TRAM1: variants seen among roughly 807,000 people sequenced by gnomAD.
The protein encoded by TRAM1 is translocation associated membrane protein 1.
Under a neutral mutation model 48.7 loss-of-function variants are expected in TRAM1, and 17 were observed. The ratio of observed to expected loss-of-function variants is 0.35; its 90% confidence interval spans 0.24 to 0.52. The LOEUF (loss-of-function observed/expected upper bound fraction) is 0.52. TRAM1 is among the 20% of genes least tolerant of loss of function. The probability of loss-of-function intolerance (pLI) is 0.94; values close to 1 mark genes in which losing one functional copy is unlikely to be tolerated. For missense variants in TRAM1, 351 were observed against 441.5 expected (o/e 0.79, Z 1.84); for synonymous variants, 182 against 154.0 (o/e 1.18, Z -1.34).
At chr8:70,576,926 CTAGTTTTGGAGTG>C (rs1816967118) in intron 10 of TRAM1, among the ~76,000 whole-genome samples, 1 of 152,200 alleles carries the variant, frequency 6.6e-6, no homozygotes, top group South Asian at 2.1e-4. Flanking sequence ...CTGGCGTCTG[CTAGTTTTGGAGTG>C]AAGGTGAGAC....
chr8:70,591,081 A>G (rs1586758715), intron 6 of TRAM1, among the ~76,000 whole-genome samples: 1 of 152,222 alleles, frequency 6.6e-6, no homozygotes, highest in Admixed American at 6.5e-5. Context: ...AACACCCTAC[A>G]TAAAGGTATT....
chr8:70,577,322 C>T (rs910545624), intron 10 of TRAM1, among the ~76,000 whole-genome samples: 2 of 152,200 alleles, frequency 1.3e-5, no homozygotes, highest in African/African-American at 2.4e-5. Context: ...TGGTGAAGCC[C>T]CCCTCTTCAA....
chr8:70,597,318 T>G (rs1212353447), intron 4 of TRAM1, among the ~76,000 whole-genome samples: 3 of 152,164 alleles, frequency 2.0e-5, no homozygotes, highest in African/African-American at 7.2e-5. Context: ...ACTGTGAACA[T>G]TACAACTCAT....
chr8:70,605,255 A>T (rs56344208), intron 1 of TRAM1, among the ~76,000 whole-genome samples: 10,223 of 152,256 alleles, frequency 0.067, 402 homozygotes, highest in Non-Finnish European at 0.078. Context: ...GCATAATACA[A>T]ATTGGTTAAT....
At chr8:70,600,391 C>T (rs1817582429) in intron 1 of TRAM1, among the ~76,000 whole-genome samples, 1 of 152,104 alleles carries the variant, frequency 6.6e-6, no homozygotes, top group Non-Finnish European at 1.5e-5. Context: ...TAGCCCTATA[C>T]AATGAATAAA....
At chr8:70,603,973 C>T (rs989295078) in intron 1 of TRAM1, among the ~76,000 whole-genome samples, 1 of 152,186 alleles carries the variant, frequency 6.6e-6, no homozygotes, top group Non-Finnish European at 1.5e-5. Context: ...GCCTCACACC[C>T]TGCTAGCATT....
At chr8:70,601,722 C>T (rs1045594015) in intron 1 of TRAM1, among the ~76,000 whole-genome samples, 1 of 152,224 alleles carries the variant, frequency 6.6e-6, no homozygotes, top group African/African-American at 2.4e-5. Context: ...TGAACTAAGA[C>T]AGTGACTGTG....
At chr8:70,583,936 C>T (rs1427780364) in intron 8 of TRAM1, 143 bp from the exon 9 acceptor site, 5 of 928,042 alleles carry the variant, frequency 5.4e-6, no homozygotes, top group South Asian at 2.2e-5. Context: ...TTGCTTGAAA[C>T]CAGAAGGTGG....
intron 8 of TRAM1, among the ~76,000 whole-genome samples, chr8:70,585,967 T>G (rs1461121110): frequency 6.6e-6 from 1 of 150,528 alleles, no homozygotes; most frequent in Non-Finnish European, 1.5e-5. Context: ...TAAAGACACA[T>G]GCACACGTAT....
chr8:70,598,368 A>G (rs1817535843), intron 2 of TRAM1, 113 bp from the exon 3 acceptor site: 18 of 1,011,850 alleles, frequency 1.8e-5, no homozygotes, highest in Non-Finnish European at 2.1e-5. Flanking sequence ...AAAAAGTTCT[A>G]TATTAACATC....
At chr8:70,594,424 T>A in intron 6 of TRAM1, 82 bp downstream of exon 6, 1 of 1,109,616 alleles carries the variant, frequency 9.0e-7, no homozygotes, top group Non-Finnish European at 1.3e-6. Flanking sequence ...GGCAAACATG[T>A]AAGAAAATAC....
At chr8:70,583,892 A>G (rs1016474826) in intron 8 of TRAM1, 99 bp from the exon 9 acceptor site, 5 of 1,355,404 alleles carry the variant, frequency 3.7e-6, no homozygotes, top group Non-Finnish European at 4.9e-6. Flanking sequence ...AGACGCCTGT[A>G]ATCCCAGCTA....
chr8:70,585,909 C>A (rs268619), intron 8 of TRAM1, among the ~76,000 whole-genome samples: 129,485 of 145,330 alleles, frequency 0.89, 58,213 homozygotes, highest in Middle Eastern at 0.97. Flanking sequence ...TTGACCCAGC[C>A]ATCCCATTAC....
intron 2 of TRAM1, 63 bp from the exon 3 acceptor site, chr8:70,598,318 G>C: frequency 6.9e-7 from 1 of 1,455,432 alleles, no homozygotes; most frequent in Non-Finnish European, 9.2e-7. Flanking sequence ...ACAGCATTAA[G>C]TACAACATAG....
At chr8:70,607,413 T>A (rs1349538246) in intron 1 of TRAM1, 1 of 985,326 alleles carries the variant, frequency 1.0e-6, no homozygotes, top group African/African-American at 1.7e-5. Flanking sequence ...GGTAATAATA[T>A]CAGTTTAAAA....
chr8:70,592,285 GCTA>G (rs1167409865), intron 6 of TRAM1, among the ~76,000 whole-genome samples: 1 of 152,140 alleles, frequency 6.6e-6, no homozygotes, highest in Non-Finnish European at 1.5e-5. Context: ...CTCTTGAACT[GCTA>G]CTAACAGCGT....
chr8:70,599,722 T>A (rs999629572), intron 2 of TRAM1, among the ~76,000 whole-genome samples: 2 of 152,222 alleles, frequency 1.3e-5, no homozygotes, highest in African/African-American at 4.8e-5. Context: ...TTTAAAAAGA[T>A]CTTTTCTTAT....
intron 1 of TRAM1, chr8:70,607,357 T>G (rs568536348): frequency 3.0e-6 from 3 of 985,340 alleles, no homozygotes; most frequent in Non-Finnish European, 2.4e-6. Flanking sequence ...GATTTATCCA[T>G]CAGACCTTGT....
intron 6 of TRAM1, among the ~76,000 whole-genome samples, chr8:70,589,614 G>A (rs1817305169): frequency 6.6e-6 from 1 of 152,170 alleles, no homozygotes; most frequent in Non-Finnish European, 1.5e-5. Context: ...GATGCAGGTG[G>A]ATTGCTTGAG....
Sources: gnomAD v4.1 joint callset for allele counts (sites outside exome capture counted in the v4.1 genomes callset) on GRCh38, gnomAD v4.1.1 for gene constraint, MANE v1.5 for transcripts, NCBI Gene and HGNC (gene_info 2026-07-23, HGNC 2026-07-21) for gene names.